ADAMTS7: variants seen among roughly 807,000 people sequenced by gnomAD.
ADAMTS7 encodes ADAM metallopeptidase with thrombospondin type 1 motif 7.
In ADAMTS7, 89 loss-of-function variants were observed where a neutral mutation model predicts 172.6. The ratio of observed to expected loss-of-function variants is 0.52; its 90% CI spans 0.43 to 0.61. The LOEUF (loss-of-function observed/expected upper bound fraction) is 0.61, where lower values mean the gene tolerates loss of function less well. Ranked by LOEUF, ADAMTS7 falls within the 20% of genes least tolerant of loss-of-function variation. ADAMTS7 has a pLI of 0.00. For synonymous variants in ADAMTS7, 885 were observed against 978.4 expected, an observed-to-expected ratio of 0.90 and a Z score of 1.78; for missense variants, 1,973 against 2,355.6, an observed-to-expected ratio of 0.84 and a Z score of 3.36.
chr15:78,761,079 T>C (rs2055036128), intron 23 of ADAMTS7, among the ~76,000 whole-genome samples: 1 of 152,162 alleles, frequency 6.6e-6, no homozygotes, highest in Non-Finnish European at 1.5e-5. Context: ...TCTGAGATGC[T>C]GGCTGGGTGC....
rs531230380 is a variant in ADAMTS7, at chr15:78,785,131, G to A, written c.1322+3100C>T. ...GGTCCAAGAAAGAAGGGAACTGCTG[G>A]ATTATCTGGTAGGGATTACCTTTGG... is the stretch of plus-strand genomic sequence containing the variant. On this transcript the variant is annotated intron_variant, in intron 8 of 23. Coordinates refer to ENST00000388820, the MANE Select transcript of ADAMTS7 (RefSeq NM_014272.5). Among the ~76,000 whole-genome samples, 7 of 152,312 alleles carry A rather than the reference G, an allele frequency of 4.6e-5. No homozygotes were observed. The South Asian group carries it at 1.5e-3, about 32-fold the overall frequency.
intron 1 of ADAMTS7, among the ~76,000 whole-genome samples, chr15:78,809,413 A>G (rs983531731): frequency 2.0e-5 from 3 of 152,122 alleles, no homozygotes; most frequent in Non-Finnish European, 2.9e-5. Context: ...TGGGAACACT[A>G]GAGACAGACT....
At position 78,766,196 on chromosome 15, in the gene ADAMTS7, T is replaced by A; in HGVS notation, c.3715A>T (p.Thr1239Ser). The change falls in exon 19 of 24, where the codon ACG becomes TCG. Residue 1239 changes from threonine (T) to serine (S), a missense_variant. Thr to Ser is a moderately conservative substitution (Grantham distance 58). This residue lies in a region of ADAMTS7 where 771 missense variants were observed against 952.6 expected (regional missense o/e 0.81). Transcript: ENST00000388820. ...APHLPPRPSS[T>S]LPPLSPVGST... is the part of the protein sequence containing the mutation. ...CCAACAGGGGACAAAGGGGGCAGCG[T>A]GGAGCTGGGTCTCGGGGGCAGGTGG... 6.2e-7 allele frequency: 1 copy of A among 1,611,712 alleles called. No individual in the cohort carries two copies. The highest frequency in any genetic ancestry group is 8.5e-7 in the Non-Finnish European group (1 of 1,179,716).
intron 8 of ADAMTS7, among the ~76,000 whole-genome samples, chr15:78,784,678 AAG>A (rs2055477824): frequency 6.6e-6 from 1 of 152,178 alleles, no homozygotes; most frequent in Admixed American, 6.5e-5. Context: ...AATCACCAAA[AAG>A]AGAGAGAGAA....
chr15:78,811,080 G>A, intron 1 of ADAMTS7, 41 bp downstream of exon 1: 1 of 1,228,902 alleles, frequency 8.1e-7, no homozygotes, highest in East Asian at 3.2e-5. Flanking sequence ...GAGCGGGAAG[G>A]GGTGGCAGGC....
At chr15:78,786,744 G>A (rs985046008) in intron 8 of ADAMTS7, among the ~76,000 whole-genome samples, 1 of 152,106 alleles carries the variant, frequency 6.6e-6, no homozygotes, top group Non-Finnish European at 1.5e-5. Flanking sequence ...TTCATCCTCT[G>A]GTAAATATGA....
At chr15:78,767,912 C>T (rs868055224) in intron 17 of ADAMTS7, among the ~76,000 whole-genome samples, 146 of 151,204 alleles carry the variant, frequency 9.7e-4, no homozygotes, top group Admixed American at 2.8e-3. Context: ...TGAGGGGTAA[C>T]CGGGGGTTGG....
At chr15:78,779,853 G>C (rs907308948) in intron 8 of ADAMTS7, among the ~76,000 whole-genome samples, 1 of 151,296 alleles carries the variant, frequency 6.6e-6, no homozygotes, top group Admixed American at 6.6e-5. Context: ...CTGCACATGT[G>C]GCTCCTGCGG....
At chr15:78,806,091 AACACACACACACACACAC>A (rs1216857182) in intron 1 of ADAMTS7, among the ~76,000 whole-genome samples, 1 of 27,414 alleles carries the variant, frequency 3.6e-5, no homozygotes. Context: ...CCCCCCCAAA[AACACACACACACACACAC>A]ACACACACAC....
chr15:78,789,662 G>C, intron 7 of ADAMTS7, 27 bp downstream of exon 7: 1 of 1,612,854 alleles, frequency 6.2e-7, no homozygotes, highest in Admixed American at 1.7e-5. Context: ...TCGGCTCTCA[G>C]TGTAGCAATG....
At chr15:78,808,857 T>G (rs999412368) in intron 1 of ADAMTS7, among the ~76,000 whole-genome samples, 1 of 152,232 alleles carries the variant, frequency 6.6e-6, no homozygotes, top group African/African-American at 2.4e-5. Context: ...TCTGTTCTGA[T>G]TGGACCAAGC....
intron 13 of ADAMTS7, 125 bp downstream of exon 13, chr15:78,774,042 A>G (rs986155595): frequency 9.6e-6 from 14 of 1,458,198 alleles, no homozygotes; most frequent in Non-Finnish European, 1.2e-5. Flanking sequence ...GGAGGGACCC[A>G]GGAGAGAACC....
At chr15:78,782,133 G>A (rs1043371213) in intron 8 of ADAMTS7, among the ~76,000 whole-genome samples, 1 of 151,888 alleles carries the variant, frequency 6.6e-6, no homozygotes, top group African/African-American at 2.4e-5. Context: ...CCAGGTTCAA[G>A]CAATTCTCCT....
intron 8 of ADAMTS7, among the ~76,000 whole-genome samples, chr15:78,785,631 T>C (rs1380889415): frequency 6.6e-6 from 1 of 151,768 alleles, no homozygotes; most frequent in Non-Finnish European, 1.5e-5. Flanking sequence ...ACAGCCATAA[T>C]AATGAAAATG....
At chr15:78,782,835 G>T (rs2622824) in intron 8 of ADAMTS7, among the ~76,000 whole-genome samples, 61,658 of 141,582 alleles carry the variant, frequency 0.44, 10,148 homozygotes, top group East Asian at 0.72. Context: ...AGACCCTAGA[G>T]CCCCTCCCCA....
At chr15:78,790,307 C>CTT (rs2055560976) in intron 6 of ADAMTS7, among the ~76,000 whole-genome samples, 2 of 152,042 alleles carry the variant, frequency 1.3e-5, no homozygotes, top group Non-Finnish European at 2.9e-5. Context: ...CACACACACA[C>CTT]AAAGGGAAGT....
At chr15:78,807,391 C>T (rs765373750) in intron 1 of ADAMTS7, among the ~76,000 whole-genome samples, 28 of 152,198 alleles carry the variant, frequency 1.8e-4, no homozygotes, top group Non-Finnish European at 3.5e-4. Context: ...TGCTGTAGAT[C>T]CTGGGCAAAT....
At chr15:78,761,410 T>C (rs2055040857) in intron 23 of ADAMTS7, among the ~76,000 whole-genome samples, 1 of 152,184 alleles carries the variant, frequency 6.6e-6, no homozygotes. Flanking sequence ...TTCCTTAGAC[T>C]GGCAGGGTCA....
At position 78,766,566 on chromosome 15, in the gene ADAMTS7, C is replaced by T. The variant is rs751852237; in HGVS notation, c.3345G>A (p.Glu1115=). The T allele has an allele frequency of 6.2e-7, 1 of 1,604,000 alleles. No individual in the cohort carries two copies. The highest frequency in any genetic ancestry group is 1.1e-5 in the South Asian group (1 of 90,022). Residue 1115 remains glutamate, a synonymous_variant, in exon 19 of 24, where the codon GAG becomes GAA. Transcript: ENST00000388820. The part of the protein sequence containing the change: ...PSTGSPVPAT[E]PPAAKEEGVL... ...CCCCCTCCTCCTTGGCTGCAGGAGG[C>T]TCTGTGGCAGGCACGGGGCTACCCG...
Sources: gnomAD v4.1 joint callset for allele counts (sites outside exome capture counted in the v4.1 genomes callset) on GRCh38, gnomAD v4.1.1 for gene constraint, gnomAD v4.1.1 regional missense constraint, MANE v1.5 for transcripts, NCBI Gene and HGNC (gene_info 2026-07-23, HGNC 2026-07-21) for gene names.